CHEK2: variants seen among roughly 807,000 people sequenced by gnomAD.
The protein encoded by CHEK2 is serine/threonine-protein kinase Chk2.
CHEK2 carries 71 observed loss-of-function variants against 69.1 expected under a neutral mutation model. That is an observed-to-expected ratio of 1.03 (90% CI 0.85 to 1.25). The LOEUF is 1.25. CHEK2 is among the 50% of genes most tolerant of loss of function. The pLI is 0.00. For synonymous variants in CHEK2, 189 were observed against 226.9 expected, an observed-to-expected ratio of 0.83 and a Z score of 1.50; for missense variants, 664 against 649.6, an observed-to-expected ratio of 1.02 and a Z score of -0.24.
chr22:28,731,931 T>C (rs764628657), intron 2 of CHEK2, among the ~76,000 whole-genome samples: 1 of 152,036 alleles, frequency 6.6e-6, no homozygotes, highest in Non-Finnish European at 1.5e-5. Context: ...AAAAAATATA[T>C]TGTATTTTAT....
In CHEK2 at chr22:28,725,261, T is replaced by C. The variant is rs1601825176; in HGVS notation, c.426A>G (p.Lys142=). 1.9e-6 allele frequency: 3 copies of C among 1,614,136 alleles called. No homozygotes were observed. Among genetic ancestry groups the C allele is most frequent in the Non-Finnish European group, 2.5e-6 (3 of 1,180,020 alleles). Residue 142 remains lysine, a synonymous_variant, in exon 3 of 15, where the codon AAA becomes AAG. Coordinates refer to ENST00000404276, the MANE Select transcript of CHEK2 (RefSeq NM_007194.4). ...TACCTACCCTGAAAATCCGAAAGTG[T>C]TTCTTGCTGTATGTTCGGTATTTAT... The part of the protein sequence containing the change: ...RTDKYRTYSK[K]HFRIFREVGP...
At chr22:28,706,697 T>C (rs2053159285) in intron 7 of CHEK2, among the ~76,000 whole-genome samples, 1 of 152,102 alleles carries the variant, frequency 6.6e-6, no homozygotes, top group African/African-American at 2.4e-5. Context: ...GGCAGGCAGA[T>C]CACCTGAGGT....
chr22:28,700,325 C>A (rs1412918253), intron 8 of CHEK2, among the ~76,000 whole-genome samples: 2 of 151,442 alleles, frequency 1.3e-5, no homozygotes, highest in Non-Finnish European at 2.9e-5. Context: ...GATTCTCATG[C>A]CTTAGCCTCC....
intron 1 of CHEK2, among the ~76,000 whole-genome samples, chr22:28,739,928 T>C (rs2054508344): frequency 6.6e-6 from 1 of 152,174 alleles, no homozygotes; most frequent in Non-Finnish European, 1.5e-5. Flanking sequence ...ACTGGCCATG[T>C]ACAGTGGCTC....
chr22:28,724,671 A>AT, intron 4 of CHEK2: 1 of 384,044 alleles, frequency 2.6e-6, no homozygotes, highest in Non-Finnish European at 5.1e-6. Flanking sequence ...GGTTCAAGCG[A>AT]TTCTCCTGCC....
intron 7 of CHEK2, among the ~76,000 whole-genome samples, chr22:28,706,309 C>A (rs915278160): frequency 6.6e-6 from 1 of 151,708 alleles, no homozygotes; most frequent in African/African-American, 2.4e-5. Flanking sequence ...CACACACACA[C>A]ACACACACAC....
chr22:28,723,865 C>G (rs1174215949), intron 4 of CHEK2, among the ~76,000 whole-genome samples: 3 of 151,804 alleles, frequency 2.0e-5, no homozygotes, highest in Non-Finnish European at 4.4e-5. Context: ...GGGAGGATCA[C>G]TTGAGCCTGG....
intron 1 of CHEK2, among the ~76,000 whole-genome samples, chr22:28,738,311 CT>C (rs1812388126): frequency 6.6e-6 from 1 of 152,196 alleles, no homozygotes; most frequent in Non-Finnish European, 1.5e-5. Flanking sequence ...TGGTCTAATA[CT>C]ACCTGAGCCA....
chr22:28,723,988 G>T (rs907347932), intron 4 of CHEK2, among the ~76,000 whole-genome samples: 3 of 152,094 alleles, frequency 2.0e-5, no homozygotes, highest in African/African-American at 4.8e-5. Flanking sequence ...AGGAAAGAAT[G>T]AGGTGAAGAG....
intron 1 of CHEK2, chr22:28,738,107 T>G (rs1002651588): frequency 2.6e-5 from 4 of 152,224 alleles, no homozygotes; most frequent in African/African-American, 9.7e-5. Flanking sequence ...CTTGGGAAGC[T>G]GAGGTGGGAG....
intron 4 of CHEK2, among the ~76,000 whole-genome samples, chr22:28,721,897 A>G (rs2053799840): frequency 1.3e-5 from 2 of 151,700 alleles, no homozygotes; most frequent in South Asian, 2.1e-4. Context: ...TGCCCAGCTA[A>G]TTTTTTTATG....
At chr22:28,726,177 T>C (rs1184500144) in intron 2 of CHEK2, 1 of 151,830 alleles carries the variant, frequency 6.6e-6, no homozygotes, top group African/African-American at 2.4e-5. Flanking sequence ...CACTCCAGCC[T>C]GGACGACAAA....
chr22:28,689,523 A>AG, intron 13 of CHEK2: 1 of 380,384 alleles, frequency 2.6e-6, no homozygotes, highest in South Asian at 2.1e-5. Flanking sequence ...ATCCTGAGAA[A>AG]GGTGGCAATC....
intron 1 of CHEK2, among the ~76,000 whole-genome samples, chr22:28,741,543 GTTC>G (rs1447339598): frequency 2.0e-5 from 3 of 152,108 alleles, no homozygotes; most frequent in African/African-American, 7.2e-5. Context: ...ATACAACGCT[GTTC>G]TTCTTATCCT....
rs113722084 is a variant in CHEK2, at chr22:28,732,103, C to T, written c.319+2300G>A. Among the ~76,000 whole-genome samples the T allele has an allele frequency of 2.0e-5, 3 of 151,566 alleles. 1 individual carries two copies. The highest frequency in any genetic ancestry group is 7.2e-5 in the African/African-American group (3 of 41,390). Reference sequence around the variant, plus strand: ...ATTACAGATGCCTGCCACAACGCCCCGCAAATTTTTTTTTCTTTTTTTTTT... The same window carrying T: ...ATTACAGATGCCTGCCACAACGCCCTGCAAATTTTTTTTTCTTTTTTTTTT... On this transcript the variant is annotated intron_variant, in intron 2 of 14. Coordinates refer to ENST00000404276, the MANE Select transcript of CHEK2 (RefSeq NM_007194.4).
intron 7 of CHEK2, 71 bp downstream of exon 7, chr22:28,709,935 T>C (rs1000274016): frequency 1.1e-6 from 1 of 940,118 alleles, no homozygotes; most frequent in South Asian, 1.4e-5. Context: ...TTTATTATAC[T>C]GAAAGGCTTT....
At chr22:28,741,192 T>C (rs966962811) in intron 1 of CHEK2, among the ~76,000 whole-genome samples, 3 of 146,824 alleles carry the variant, frequency 2.0e-5, no homozygotes, top group African/African-American at 5.0e-5. Context: ...GGTAATCATA[T>C]ATGTATACTT....
intron 5 of CHEK2, among the ~76,000 whole-genome samples, chr22:28,716,749 G>A (rs2053601522): frequency 1.3e-5 from 2 of 152,200 alleles, no homozygotes; most frequent in African/African-American, 4.8e-5. Flanking sequence ...ATTTTGTAAT[G>A]TGGTAACAGT....
At chr22:28,724,669 C>T (rs373573749) in intron 4 of CHEK2, 3 of 380,908 alleles carry the variant, frequency 7.9e-6, no homozygotes, top group Non-Finnish European at 1.0e-5. Context: ...CGGGTTCAAG[C>T]GATTCTCCTG....
Sources: allele counts gnomAD v4.1 joint callset (sites outside exome capture counted in the v4.1 genomes callset), GRCh38; gene constraint gnomAD v4.1.1; transcripts MANE v1.5; gene names NCBI Gene and HGNC (gene_info 2026-07-23, HGNC 2026-07-21).